The following PCDH15 variants were observed in gnomAD, a reference collection of about 807,000 sequenced individuals.
PCDH15 encodes the protein protocadherin-15.
PCDH15 carries 129 observed loss-of-function variants against 178.5 expected under a neutral mutation model. That is an observed-to-expected ratio of 0.72 (90% CI 0.63 to 0.84). The LOEUF is 0.84. Among genes scored for constraint, PCDH15 ranks in the 40% least tolerant of loss-of-function variants. PCDH15 has a pLI of 0.00. For synonymous variants in PCDH15, 800 were observed against 732.0 expected (o/e 1.09, Z -1.50); for missense variants, 2,230 against 2,099.9 (o/e 1.06, Z -1.21).
chr10:54,319,007 C>A (rs577889229), intron 7 of PCDH15, among the ~76,000 whole-genome samples: 3 of 152,188 alleles, frequency 2.0e-5, no homozygotes, highest in South Asian at 4.2e-4. Flanking sequence ...TTATATTTAT[C>A]TGAAGAATGT....
intron 28 of PCDH15, among the ~76,000 whole-genome samples, chr10:53,843,100 A>G (rs1333439536): frequency 1.3e-5 from 2 of 152,200 alleles, no homozygotes; most frequent in African/African-American, 2.4e-5. Flanking sequence ...GGAATCATGA[A>G]TAAAAGAAGT....
chr10:54,069,037 A>G (rs2094190867), intron 17 of PCDH15, among the ~76,000 whole-genome samples: 1 of 152,212 alleles, frequency 6.6e-6, no homozygotes, highest in African/African-American at 2.4e-5. Context: ...CCATGCTTTC[A>G]TGACAAAAAG....
At chr10:54,041,970 A>G (rs976077106) in intron 18 of PCDH15, among the ~76,000 whole-genome samples, 41 of 152,196 alleles carry the variant, frequency 2.7e-4, no homozygotes, top group African/African-American at 9.4e-4. Context: ...AGATTATTTG[A>G]TATTAGTAAC....
chr10:54,997,082 C>A (rs749598515), intron 2 of PCDH15, among the ~76,000 whole-genome samples: 9 of 146,866 alleles, frequency 6.1e-5, no homozygotes, highest in Non-Finnish European at 1.0e-4. Flanking sequence ...GCACTCCAGC[C>A]TGAGCAACAA....
In PCDH15 at chr10:54,462,476, CTTTCTTTTCT is replaced by C. The variant is rs3070713; in HGVS notation, c.157+65326_157+65335del. Reference sequence around the variant, plus strand: ...GCTCCTATTTGTTAATCCTTTCTTTCTTTCTTTTCTTTTCTTTTCTTTTTCTTTTTCTTTT... The same window carrying C: ...GCTCCTATTTGTTAATCCTTTCTTTCTTTCTTTTCTTTTTCTTTTTCTTTT... On this transcript the variant is annotated intron_variant, in intron 3 of 37. Transcript: ENST00000644397. 1.1e-4 allele frequency among the ~76,000 whole-genome samples: 14 copies of C among 123,942 alleles called. No individual in the cohort carries two copies. In the South Asian group the frequency reaches 1.9e-3, roughly 17 times the overall value. The allele number at this position is 123,942 out of a possible 152,430, so 81.3% of individuals were successfully genotyped here.
At chr10:54,920,468 C>CAAAAAAA (rs71014429) in intron 2 of PCDH15, among the ~76,000 whole-genome samples, 15 of 57,804 alleles carry the variant, frequency 2.6e-4, no homozygotes, top group African/African-American at 3.2e-4. Context: ...GACTGTGTCT[C>CAAAAAAA]AAAAAAAAAA....
intron 2 of PCDH15, among the ~76,000 whole-genome samples, chr10:55,159,764 A>C (rs1172161521): frequency 6.8e-6 from 1 of 148,056 alleles, no homozygotes; most frequent in Non-Finnish European, 1.5e-5. Flanking sequence ...ATAAAGATAT[A>C]TGTGTAAGTA....
chr10:54,774,264 G>A (rs1477136553), intron 1 of PCDH15, among the ~76,000 whole-genome samples: 9 of 151,788 alleles, frequency 5.9e-5, no homozygotes, highest in African/African-American at 2.2e-4. Context: ...TCCTGACCTC[G>A]TGATCTGTCT....
Position 55,187,249 on chromosome 10 carries a change from A to G in PCDH15, c.-155-20598T>C, listed in dbSNP as rs149674088. Among the ~76,000 whole-genome samples, 624 of 152,176 alleles carry G rather than the reference A, an allele frequency of 4.1e-3. 3 individuals are homozygous for G. The highest frequency in any genetic ancestry group is 0.015 in the South Asian group (74 of 4,834). On this transcript the variant is annotated intron_variant, in intron 1 of 5. Coordinates refer to the PCDH15 transcript ENST00000458638. ...CCAAGTCCCAAACAAATACTATTAC[A>G]TAGAGGATAAACTCAGTATTAATTT... is the stretch of plus-strand genomic sequence containing the variant.
At chr10:55,589,232 A>G (rs1842788222) in intron 2 of PCDH15, among the ~76,000 whole-genome samples, 1 of 152,012 alleles carries the variant, frequency 6.6e-6, no homozygotes, top group Admixed American at 6.6e-5. Flanking sequence ...TAATTTTTGT[A>G]TAAGGTGTAA....
chr10:55,483,585 T>G (rs1343388909), intron 2 of PCDH15, among the ~76,000 whole-genome samples: 2 of 151,696 alleles, frequency 1.3e-5, no homozygotes, highest in African/African-American at 4.8e-5. Flanking sequence ...TCCTCAAAGA[T>G]CTAAAGACTG....
chr10:54,693,445 GACA>G (rs1035248713), intron 1 of PCDH15, among the ~76,000 whole-genome samples: 71 of 152,112 alleles, frequency 4.7e-4, no homozygotes, highest in African/African-American at 1.6e-3. Flanking sequence ...ATTCTAAATT[GACA>G]ACATTTTCTG....
intron 2 of PCDH15, among the ~76,000 whole-genome samples, chr10:55,480,346 G>A (rs1353544382): frequency 6.6e-6 from 1 of 151,580 alleles, no homozygotes; most frequent in African/African-American, 2.4e-5. Flanking sequence ...GATTGTGCTG[G>A]CCAGAACTTT....
At chr10:54,039,531 A>C (rs1048910165) in intron 18 of PCDH15, among the ~76,000 whole-genome samples, 1 of 151,982 alleles carries the variant, frequency 6.6e-6, no homozygotes, top group South Asian at 2.1e-4. Context: ...GTCTGACATG[A>C]TATCTAACAG....
intron 3 of PCDH15, among the ~76,000 whole-genome samples, chr10:54,508,647 G>T (rs7902993): frequency 0.67 from 101,808 of 151,976 alleles, 34,842 homozygotes; most frequent in East Asian, 0.97. Flanking sequence ...AATGGTTATA[G>T]GGGTGTTCAT....
chr10:54,428,300 C>A (rs570756445), intron 3 of PCDH15, among the ~76,000 whole-genome samples: 8 of 152,282 alleles, frequency 5.3e-5, no homozygotes, highest in African/African-American at 1.9e-4. Context: ...CAATTTGGGA[C>A]AACTCTGAAA....
At chr10:55,316,002 C>A (rs1455650041) in intron 1 of PCDH15, among the ~76,000 whole-genome samples, 1 of 152,128 alleles carries the variant, frequency 6.6e-6, no homozygotes, top group African/African-American at 2.4e-5. Context: ...GGCAATAGAG[C>A]AAGGCTCCTT....
intron 6 of PCDH15, among the ~76,000 whole-genome samples, chr10:54,338,651 C>T (rs1394199449): frequency 6.6e-6 from 1 of 152,126 alleles, no homozygotes; most frequent in Non-Finnish European, 1.5e-5. Context: ...CCCACTGAAA[C>T]ACCACTGTAA....
chr10:54,295,592 C>T (rs1050008966), intron 8 of PCDH15, among the ~76,000 whole-genome samples: 10 of 152,202 alleles, frequency 6.6e-5, no homozygotes, highest in African/African-American at 2.2e-4. Flanking sequence ...AAACTCTGGA[C>T]GTATCTGAAC....
Sources: gnomAD v4.1 joint callset for allele counts (sites outside exome capture counted in the v4.1 genomes callset) on GRCh38, gnomAD v4.1.1 for gene constraint, MANE v1.5 for transcripts, NCBI Gene and HGNC (gene_info 2026-07-23, HGNC 2026-07-21) for gene names.